NKAIN2: variants seen among roughly 807,000 people sequenced by gnomAD.
NKAIN2 encodes the protein sodium/potassium transporting ATPase interacting 2.
Under a neutral mutation model 32.6 loss-of-function variants are expected in NKAIN2, and 14 were observed. The observed-to-expected ratio is 0.43, with a 90% CI of 0.28 to 0.67. The LOEUF (loss-of-function observed/expected upper bound fraction) is 0.67, where lower values mean the gene tolerates loss of function less well. Ranked by LOEUF, NKAIN2 falls within the 30% of genes least tolerant of loss-of-function variation. The probability of loss-of-function intolerance (pLI) is 0.17; values close to 1 mark genes in which losing one functional copy is unlikely to be tolerated. For missense variants in NKAIN2, 198 were observed against 258.3 expected (o/e 0.77, Z 1.60); for synonymous variants, 80 against 87.2 (o/e 0.92, Z 0.46).
At chr6:124,463,839 C>A (rs898005829) in intron 3 of NKAIN2, among the ~76,000 whole-genome samples, 3 of 152,054 alleles carry the variant, frequency 2.0e-5, no homozygotes, top group Admixed American at 6.6e-5. Flanking sequence ...ACATTGTAGT[C>A]ATTTTTTATT....
At chr6:124,448,524 G>A (rs921326803) in intron 3 of NKAIN2, among the ~76,000 whole-genome samples, 4 of 152,106 alleles carry the variant, frequency 2.6e-5, no homozygotes, top group African/African-American at 9.7e-5. Context: ...GGCTAACAGA[G>A]AGACACTGCT....
intron 3 of NKAIN2, among the ~76,000 whole-genome samples, chr6:124,578,573 G>T (rs1312583768): frequency 6.6e-6 from 1 of 152,126 alleles, no homozygotes; most frequent in East Asian, 1.9e-4. Context: ...GCAACAGGTA[G>T]ATTTCTAAGG....
chr6:124,683,361 C>T (rs776336449), intron 4 of NKAIN2, among the ~76,000 whole-genome samples: 2 of 152,106 alleles, frequency 1.3e-5, no homozygotes, highest in African/African-American at 4.8e-5. Context: ...TGTTGTCAAA[C>T]GTCTACGTTT....
intron 3 of NKAIN2, among the ~76,000 whole-genome samples, chr6:124,362,734 A>G (rs1799343461): frequency 6.6e-6 from 1 of 152,200 alleles, no homozygotes; most frequent in African/African-American, 2.4e-5. Flanking sequence ...TATCATCCCC[A>G]AAGAATCCAA....
intron 1 of NKAIN2, among the ~76,000 whole-genome samples, chr6:124,013,940 C>T (rs1780453352): frequency 6.6e-6 from 1 of 152,110 alleles, no homozygotes; most frequent in South Asian, 2.1e-4. Context: ...GAAAGGAATG[C>T]AACGGTACCA....
At chr6:124,418,823 A>G (rs970218712) in intron 3 of NKAIN2, among the ~76,000 whole-genome samples, 1 of 151,782 alleles carries the variant, frequency 6.6e-6, no homozygotes, top group African/African-American at 2.4e-5. Context: ...CCTGACTGGA[A>G]TAACGGATCA....
chr6:124,617,177 G>A (rs1292534961), intron 3 of NKAIN2, among the ~76,000 whole-genome samples: 1 of 152,166 alleles, frequency 6.6e-6, no homozygotes, highest in Non-Finnish European at 1.5e-5. Context: ...GTTACAAATA[G>A]TTGCTCTTTT....
At position 123,945,906 on chromosome 6, in the gene NKAIN2, A is replaced by G. The variant is rs530659180; in HGVS notation, c.54+141652A>G. On this transcript the variant is annotated intron_variant, in intron 1 of 6. Transcript: ENST00000368417. ...TATGGATGACTGAGCCTTCAGCACA[A>G]TTTCACCCTTAAATTATTAGACTGT... is the stretch of plus-strand genomic sequence containing the variant. Among the ~76,000 whole-genome samples, 3 of 151,974 alleles carry G rather than the reference A, an allele frequency of 2.0e-5. No individual in the cohort carries two copies. The East Asian group carries it at 5.8e-4, about 29-fold the overall frequency.
chr6:124,430,596 T>C (rs530460651), intron 3 of NKAIN2, among the ~76,000 whole-genome samples: 133 of 152,184 alleles, frequency 8.7e-4, no homozygotes, highest in African/African-American at 3.1e-3. Context: ...AGTATCTCCA[T>C]GTGGTTTCTC....
chr6:124,481,346 G>A (rs1777442385), intron 3 of NKAIN2, among the ~76,000 whole-genome samples: 1 of 151,778 alleles, frequency 6.6e-6, no homozygotes. Flanking sequence ...TTAAATCAGG[G>A]AAGAATGGAC....
chr6:124,059,894 G>C (rs887567821), intron 1 of NKAIN2, among the ~76,000 whole-genome samples: 1 of 152,038 alleles, frequency 6.6e-6, no homozygotes, highest in African/African-American at 2.4e-5. Context: ...TTCTGTCATG[G>C]TGTTCATTAT....
At chr6:124,138,185 A>G (rs234488) in intron 1 of NKAIN2, among the ~76,000 whole-genome samples, 96,078 of 152,032 alleles carry the variant, frequency 0.63, 30,584 homozygotes, top group East Asian at 0.74. Flanking sequence ...GGATGTGAAT[A>G]GACAGTTCTC....
At chr6:124,632,021 G>A (rs1022412844) in intron 3 of NKAIN2, among the ~76,000 whole-genome samples, 2 of 152,016 alleles carry the variant, frequency 1.3e-5, no homozygotes, top group African/African-American at 4.8e-5. Context: ...CTTCATTGAG[G>A]TAGGTTAACA....
intron 3 of NKAIN2, among the ~76,000 whole-genome samples, chr6:124,434,073 C>T (rs564705884): frequency 1.1e-3 from 175 of 152,240 alleles, no homozygotes; most frequent in Middle Eastern, 3.4e-3. Context: ...TTCCAGCCCC[C>T]TATGTGCTCA....
chr6:124,787,952 C>T (rs957831057), intron 4 of NKAIN2, among the ~76,000 whole-genome samples: 1 of 151,998 alleles, frequency 6.6e-6, no homozygotes, highest in Non-Finnish European at 1.5e-5. Context: ...CTGTCATCAG[C>T]AAAAATACAT....
intron 1 of NKAIN2, among the ~76,000 whole-genome samples, chr6:123,904,638 C>T (rs1332273910): frequency 6.6e-6 from 1 of 152,128 alleles, no homozygotes; most frequent in Non-Finnish European, 1.5e-5. Flanking sequence ...TGAGAAAGAT[C>T]CTGTAATTGA....
intron 3 of NKAIN2, among the ~76,000 whole-genome samples, chr6:124,652,172 G>A (rs993642502): frequency 6.6e-6 from 1 of 152,186 alleles, no homozygotes; most frequent in Non-Finnish European, 1.5e-5. Context: ...CTGGGGCATG[G>A]ATACAATTCA....
At chr6:124,490,780 AAAAT>A (rs1777832197) in intron 3 of NKAIN2, among the ~76,000 whole-genome samples, 1 of 151,766 alleles carries the variant, frequency 6.6e-6, no homozygotes, top group African/African-American at 2.4e-5. Context: ...ATACAATTAG[AAAAT>A]AAATATTTTT....
chr6:124,434,629 G>T (rs754234224), intron 3 of NKAIN2, among the ~76,000 whole-genome samples: 16 of 152,184 alleles, frequency 1.1e-4, no homozygotes, highest in Non-Finnish European at 2.2e-4. Context: ...TACATAGGCA[G>T]ATTGCTTCAT....
Sources: allele counts gnomAD v4.1 joint callset (sites outside exome capture counted in the v4.1 genomes callset), GRCh38; gene constraint gnomAD v4.1.1; transcripts MANE v1.5; gene names NCBI Gene and HGNC (gene_info 2026-07-23, HGNC 2026-07-21).